The following STEAP3 variants were observed in gnomAD, a reference collection of about 807,000 sequenced individuals.
The protein encoded by STEAP3 is STEAP3 metalloreductase, also known as metalloreductase STEAP3.
A neutral mutation model predicts 34.9 loss-of-function variants in STEAP3; 35 were observed. That is an observed-to-expected ratio of 1.00 (90% CI 0.76 to 1.33). STEAP3 has a LOEUF of 1.33. Among genes scored for constraint, STEAP3 ranks in the 40% most tolerant of loss-of-function variants. The probability of loss-of-function intolerance (pLI) is 0.00; values close to 1 mark genes in which losing one functional copy is unlikely to be tolerated. For synonymous variants in STEAP3, 281 were observed against 301.6 expected, an observed-to-expected ratio of 0.93 and a Z score of 0.71; for missense variants, 652 against 667.6, an observed-to-expected ratio of 0.98 and a Z score of 0.26.
At chr2:119,259,600 A>G (rs1049973214) in intron 5 of STEAP3, among the ~76,000 whole-genome samples, 18 of 152,238 alleles carry the variant, frequency 1.2e-4, no homozygotes, top group African/African-American at 4.3e-4. Context: ...GCCTGGGAGC[A>G]GCGTCTCCAC....
At chr2:119,261,956 A>G (rs1677952970) in intron 5 of STEAP3, among the ~76,000 whole-genome samples, 2 of 152,162 alleles carry the variant, frequency 1.3e-5, no homozygotes, top group South Asian at 4.1e-4. Context: ...TCTTCTCCCA[A>G]CGGTCACTAA....
chr2:119,260,484 C>T (rs192906810), intron 5 of STEAP3, among the ~76,000 whole-genome samples: 18 of 152,030 alleles, frequency 1.2e-4, no homozygotes, highest in East Asian at 3.9e-4. Context: ...GAGACGGGGA[C>T]GGGGTTTATC....
chr2:119,231,157 G>T, intron 2 of STEAP3, 123 bp downstream of exon 2: 1 of 1,300,762 alleles, frequency 7.7e-7, no homozygotes. Context: ...CAGGAGGTCC[G>T]AGGAACTCGA....
At chr2:119,237,682 C>A (rs1677130863) in intron 2 of STEAP3, among the ~76,000 whole-genome samples, 1 of 152,230 alleles carries the variant, frequency 6.6e-6, no homozygotes, top group Non-Finnish European at 1.5e-5. Context: ...TTGGTTTACA[C>A]ACACTAGTAG....
chr2:119,258,403 G>A (rs779468224), intron 5 of STEAP3, among the ~76,000 whole-genome samples: 9 of 151,964 alleles, frequency 5.9e-5, no homozygotes, highest in Non-Finnish European at 1.0e-4. Flanking sequence ...AGCCCAGTAG[G>A]TCTCAGCCTC....
chr2:119,258,875 G>A (rs1009787954), intron 5 of STEAP3, among the ~76,000 whole-genome samples: 1 of 151,012 alleles, frequency 6.6e-6, no homozygotes, highest in Non-Finnish European at 1.5e-5. Flanking sequence ...GCCTGCCTCG[G>A]CCTTCCAAAG....
At chr2:119,241,205 G>A (rs540484142) in intron 2 of STEAP3, among the ~76,000 whole-genome samples, 2 of 152,032 alleles carry the variant, frequency 1.3e-5, no homozygotes, top group Admixed American at 6.6e-5. Context: ...TAGTGTTCCC[G>A]TTTTAAAGGT....
In STEAP3 at chr2:119,263,510, C is replaced by T; in HGVS notation, c.*172C>T. The T allele has an allele frequency of 3.0e-5, 24 of 793,744 alleles. No individual in the cohort carries two copies. The highest frequency in any genetic ancestry group is 2.3e-4 in the Middle Eastern group (1 of 4,346). The allele number at this position is 793,744 out of a possible 1,614,324, so 49.2% of individuals were successfully genotyped here. On this transcript the variant is annotated 3_prime_UTR_variant, in exon 6 of 6. Transcript: ENST00000393110. ...AGTACTATTCAGAATGATATACACACATATGTGTATATGTATTTACATATA... is the reference window on the plus strand; with the variant it reads ...AGTACTATTCAGAATGATATACACATATATGTGTATATGTATTTACATATA...
At chr2:119,246,111 C>G in intron 3 of STEAP3, 123 bp downstream of exon 3, 3 of 1,298,662 alleles carry the variant, frequency 2.3e-6, no homozygotes, top group Non-Finnish European at 3.1e-6. Context: ...CTGCAAAATT[C>G]CATTTTACAG....
At chr2:119,241,445 A>G (rs1677243662) in intron 2 of STEAP3, among the ~76,000 whole-genome samples, 1 of 152,232 alleles carries the variant, frequency 6.6e-6, no homozygotes, top group Non-Finnish European at 1.5e-5. Flanking sequence ...CCTGTTGCAG[A>G]CTGCATTTTG....
At chr2:119,261,569 C>A (rs1222950289) in intron 5 of STEAP3, among the ~76,000 whole-genome samples, 1 of 152,164 alleles carries the variant, frequency 6.6e-6, no homozygotes, top group Non-Finnish European at 1.5e-5. Flanking sequence ...CCTGCCCTGT[C>A]TAGGGGACTA....
At chr2:119,249,575 C>T (rs764176753) in intron 4 of STEAP3, among the ~76,000 whole-genome samples, 3 of 152,138 alleles carry the variant, frequency 2.0e-5, no homozygotes, top group Non-Finnish European at 2.9e-5. Flanking sequence ...TGCTCCTGCT[C>T]AGAATGCAGG....
Position 119,263,043 on chromosome 2 carries a change from T to G in STEAP3, c.1216-14T>G. 2 of 1,598,264 alleles carry G rather than the reference T, an allele frequency of 1.3e-6. No individual in the cohort carries two copies. The highest frequency in any genetic ancestry group is 1.7e-6 in the Non-Finnish European group (2 of 1,176,926). On this transcript the variant is annotated splice_polypyrimidine_tract_variant and intron_variant, in intron 5 of 5. Transcript: ENST00000393110. ...TCCCCTCGCCCTCACTCCAGCCTTT[T>G]TTTCCCTCCACAGTCCTCACTGGGC...
At chr2:119,232,960 G>A (rs1652218555) in intron 2 of STEAP3, among the ~76,000 whole-genome samples, 1 of 152,200 alleles carries the variant, frequency 6.6e-6, no homozygotes, top group Non-Finnish European at 1.5e-5. Flanking sequence ...TGCGGGGAAG[G>A]CACTTCCCAG....
At chr2:119,262,910 G>C (rs1166334258) in intron 5 of STEAP3, 147 bp from the exon 6 acceptor site, 4 of 997,574 alleles carry the variant, frequency 4.0e-6, no homozygotes, top group East Asian at 4.8e-5. Flanking sequence ...CACACTAAGA[G>C]AGTGACAGGA....
At chr2:119,257,368 C>T in intron 5 of STEAP3, 1 of 1,374,582 alleles carries the variant, frequency 7.3e-7, no homozygotes, top group Non-Finnish European at 9.4e-7. Flanking sequence ...CCAGGCCTGC[C>T]TCCCATCCGT....
rs375566987 is a variant in STEAP3 at position 119,255,042 on chromosome 2, A to T, written c.1215+194A>T. On this transcript the variant is annotated intron_variant, in intron 5 of 5. Coordinates refer to ENST00000393110, the MANE Select transcript of STEAP3 (RefSeq NM_182915.3). ...ATAGGGGCTGCCTGCTACAAGCTTA[A>T]CCTCCCAACACATGAGGAAGCCAGA... Among the ~76,000 whole-genome samples the T allele has an allele frequency of 3.3e-5, 5 of 152,218 alleles. No homozygotes were observed. In the East Asian group the frequency reaches 9.7e-4, roughly 29 times the overall value.
In STEAP3 at chr2:119,263,037, G is replaced by A; in HGVS notation, c.1216-20G>A. The stretch of plus-strand genomic sequence containing the variant: ...CTGTCATCCCCTCGCCCTCACTCCA[G>A]CCTTTTTTTCCCTCCACAGTCCTCA... On this transcript the variant is annotated intron_variant, in intron 5 of 5. Coordinates refer to ENST00000393110, the MANE Select transcript of STEAP3 (RefSeq NM_182915.3). 6.3e-7 allele frequency: 1 copy of A among 1,597,104 alleles called. No individual in the cohort carries two copies. The highest frequency in any genetic ancestry group is 8.5e-7 in the Non-Finnish European group (1 of 1,176,730).
intron 2 of STEAP3, among the ~76,000 whole-genome samples, chr2:119,241,294 C>T (rs1677239218): frequency 6.6e-6 from 1 of 152,154 alleles, no homozygotes; most frequent in Admixed American, 6.5e-5. Context: ...ATGATTTCTC[C>T]CCAGCAGCCC....
Sources: allele counts gnomAD v4.1 joint callset (sites outside exome capture counted in the v4.1 genomes callset), GRCh38; gene constraint gnomAD v4.1.1; transcripts MANE v1.5; gene names NCBI Gene and HGNC (gene_info 2026-07-23, HGNC 2026-07-21).